The following ARHGAP24 variants were observed in gnomAD, a reference collection of about 807,000 sequenced individuals.
The protein encoded by ARHGAP24 is Rho GTPase activating protein 24, also known as rho GTPase-activating protein 24.
A neutral mutation model predicts 76.4 loss-of-function variants in ARHGAP24; 50 were observed. The observed-to-expected ratio is 0.65, with a 90% confidence interval of 0.52 to 0.83. The LOEUF (loss-of-function observed/expected upper bound fraction) is 0.83. Ranked by LOEUF, ARHGAP24 falls within the 40% of genes least tolerant of loss-of-function variation. The probability of loss-of-function intolerance (pLI) is 0.00; values close to 1 mark genes in which losing one functional copy is unlikely to be tolerated. For synonymous variants in ARHGAP24, 345 were observed against 323.3 expected, an observed-to-expected ratio of 1.07 and a Z score of -0.72; for missense variants, 930 against 914.2, an observed-to-expected ratio of 1.02 and a Z score of -0.22.
intron 3 of ARHGAP24, among the ~76,000 whole-genome samples, chr4:85,874,823 TTA>T (rs1400546768): frequency 7.5e-5 from 4 of 53,424 alleles, no homozygotes; most frequent in African/African-American, 3.1e-4. Context: ...TATATATAAT[TTA>T]TATATAAAAT....
chr4:85,670,989 G>T (rs917231690), intron 2 of ARHGAP24, among the ~76,000 whole-genome samples: 4 of 152,054 alleles, frequency 2.6e-5, no homozygotes, highest in Non-Finnish European at 5.9e-5. Flanking sequence ...AAAAGGATTC[G>T]CAGATCATTC....
chr4:85,627,254 G>A (rs1364197743), intron 2 of ARHGAP24, among the ~76,000 whole-genome samples: 3 of 151,604 alleles, frequency 2.0e-5, no homozygotes, highest in Non-Finnish European at 4.4e-5. Flanking sequence ...GGTTTTTGGT[G>A]TGAATGTCCT....
intron 3 of ARHGAP24, among the ~76,000 whole-genome samples, chr4:85,853,289 A>T (rs556674793): frequency 6.6e-6 from 1 of 152,354 alleles, no homozygotes; most frequent in African/African-American, 2.4e-5. Context: ...AGCCAGGCAC[A>T]GGATATAATC....
rs866571196 is a variant in ARHGAP24, at chr4:85,923,740, C to T, written c.361C>T (p.Arg121Cys). ...NDMEDWVKSI[R>C]RVIWGPFGGG... ...TATGGAAGACTGGGTGAAGTCAATCCGCCGAGTCATATGGGGACCTTTCGG... is the reference window on the plus strand; with the variant it reads ...TATGGAAGACTGGGTGAAGTCAATCTGCCGAGTCATATGGGGACCTTTCGG... Residue 121 changes from arginine to cysteine, a missense_variant, in exon 4 of 10, where the codon CGC becomes TGC. Transcript: ENST00000395184. The T allele has an allele frequency of 7.4e-6, 12 of 1,613,822 alleles. No homozygotes were observed. Among genetic ancestry groups the T allele is most frequent in the East Asian group, 2.2e-5 (1 of 44,876 alleles).
intron 5 of ARHGAP24, among the ~76,000 whole-genome samples, chr4:85,946,221 A>T (rs1737258803): frequency 1.3e-5 from 2 of 152,250 alleles, no homozygotes. Flanking sequence ...ATTACAATTC[A>T]AAATGAGATT....
At chr4:85,499,177 A>G (rs1723700703) in intron 1 of ARHGAP24, among the ~76,000 whole-genome samples, 1 of 152,212 alleles carries the variant, frequency 6.6e-6, no homozygotes, top group East Asian at 1.9e-4. Flanking sequence ...ACATATACCA[A>G]CATTTGAAAG....
At chr4:85,720,828 G>T (rs1724903693) in intron 2 of ARHGAP24, among the ~76,000 whole-genome samples, 1 of 152,156 alleles carries the variant, frequency 6.6e-6, no homozygotes, top group African/African-American at 2.4e-5. Context: ...GGTGCTTCAA[G>T]GAAAGAGTGG....
intron 5 of ARHGAP24, among the ~76,000 whole-genome samples, chr4:85,969,777 C>T (rs6813736): frequency 0.21 from 31,834 of 151,898 alleles, 3,589 homozygotes; most frequent in South Asian, 0.39. Context: ...CCTTGTCTTA[C>T]CATTGAGACT....
At chr4:85,916,404 C>T (rs1409284379) in intron 3 of ARHGAP24, among the ~76,000 whole-genome samples, 1 of 151,996 alleles carries the variant, frequency 6.6e-6, no homozygotes, top group Admixed American at 6.6e-5. Flanking sequence ...TGGTCCAGAG[C>T]TGAGTTCAAG....
intron 1 of ARHGAP24, among the ~76,000 whole-genome samples, chr4:85,499,575 C>CAGAGG (rs1209258855): frequency 1.3e-5 from 2 of 152,200 alleles, no homozygotes; most frequent in African/African-American, 4.8e-5. Flanking sequence ...GAGCTCTTAC[C>CAGAGG]TAGCCTGCAG....
chr4:85,654,927 C>A lies in ARHGAP24; in HGVS notation c.181-66958C>A, dbSNP rs1372228570. Reference sequence around the variant, plus strand: ...TTAGAAAAATTTACATACACTATAACTCTTACAAAGTAAGTAGTGATTAAA... The same window carrying A: ...TTAGAAAAATTTACATACACTATAAATCTTACAAAGTAAGTAGTGATTAAA... On this transcript the variant is annotated intron_variant, in intron 2 of 9. Coordinates refer to ENST00000395184, the MANE Select transcript of ARHGAP24 (RefSeq NM_001025616.3). 3.9e-5 allele frequency among the ~76,000 whole-genome samples: 6 copies of A among 152,308 alleles called. No homozygotes were observed. The East Asian group carries it at 1.2e-3, about 29-fold the overall frequency.
chr4:85,852,504 T>C (rs1351342840), intron 3 of ARHGAP24, among the ~76,000 whole-genome samples: 1 of 152,230 alleles, frequency 6.6e-6, no homozygotes, highest in African/African-American at 2.4e-5. Flanking sequence ...GGCGAGGAGC[T>C]GTGATCCTTT....
chr4:85,833,918 G>T (rs1275239317), intron 3 of ARHGAP24, among the ~76,000 whole-genome samples: 4 of 152,186 alleles, frequency 2.6e-5, no homozygotes, highest in African/African-American at 7.2e-5. Flanking sequence ...GGATCAGCTG[G>T]ATCTGCTTTG....
intron 3 of ARHGAP24, among the ~76,000 whole-genome samples, chr4:85,765,341 G>A (rs555867300): frequency 6.6e-6 from 1 of 152,170 alleles, no homozygotes; most frequent in South Asian, 2.1e-4. Context: ...TGTTTTAACT[G>A]ATTCATACAC....
chr4:85,665,911 G>A (rs1205506598), intron 2 of ARHGAP24, among the ~76,000 whole-genome samples: 1 of 152,168 alleles, frequency 6.6e-6, no homozygotes, highest in South Asian at 2.1e-4. Flanking sequence ...GCTTCCCTTT[G>A]TGGGTAACCT....
intron 5 of ARHGAP24, among the ~76,000 whole-genome samples, chr4:85,956,705 C>A (rs1176486979): frequency 6.6e-6 from 1 of 152,166 alleles, no homozygotes; most frequent in Non-Finnish European, 1.5e-5. Context: ...CAATGGCAAG[C>A]CTTTAGCCCG....
intron 2 of ARHGAP24, among the ~76,000 whole-genome samples, chr4:85,671,589 T>C (rs10516752): frequency 0.025 from 3,764 of 152,258 alleles, 138 homozygotes; most frequent in African/African-American, 0.084. Context: ...CTGTAGACTT[T>C]TGTTTTGGAG....
chr4:85,831,123 A>G (rs1371536376), intron 3 of ARHGAP24, among the ~76,000 whole-genome samples: 1 of 152,208 alleles, frequency 6.6e-6, no homozygotes, highest in South Asian at 2.1e-4. Flanking sequence ...GAAGACCTCA[A>G]ATCGGATTCT....
chr4:85,989,666 A>G (rs1740208615), intron 8 of ARHGAP24, among the ~76,000 whole-genome samples: 1 of 151,712 alleles, frequency 6.6e-6, no homozygotes, highest in Non-Finnish European at 1.5e-5. Flanking sequence ...ACTTCACCAT[A>G]TAAAAAGGAT....
Sources: allele counts gnomAD v4.1 joint callset (sites outside exome capture counted in the v4.1 genomes callset), GRCh38; gene constraint gnomAD v4.1.1; transcripts MANE v1.5; gene names NCBI Gene and HGNC (gene_info 2026-07-23, HGNC 2026-07-21).